Variants in GMPS observed in about 807,000 individuals in gnomAD.
GMPS encodes the protein GMP synthase [glutamine-hydrolyzing].
Under a neutral mutation model 77.9 loss-of-function variants are expected in GMPS, and 15 were observed. The observed-to-expected ratio is 0.19, with a 90% confidence interval of 0.13 to 0.30. The LOEUF (loss-of-function observed/expected upper bound fraction) is 0.30. GMPS is among the 10% of genes least tolerant of loss of function. GMPS has a pLI of 1.00. For synonymous variants in GMPS, 224 were observed against 275.9 expected (o/e 0.81, Z 1.86); for missense variants, 590 against 838.8 (o/e 0.70, Z 3.66).
At position 155,871,513 on chromosome 3, in the gene GMPS, C is replaced by T. The variant is rs546242573; in HGVS notation, c.27+616C>T. Among the ~76,000 whole-genome samples, 3 of 152,318 alleles carry T rather than the reference C, an allele frequency of 2.0e-5. No individual in the cohort carries two copies. The South Asian group carries it at 6.2e-4, about 32-fold the overall frequency. ...GAACCCCTCGGAGCTGCACTGTCTTCCCCCTCCCCCAACGCCCCTGCAGGC... is the reference window on the plus strand; with the variant it reads ...GAACCCCTCGGAGCTGCACTGTCTTTCCCCTCCCCCAACGCCCCTGCAGGC... On this transcript the variant is annotated intron_variant, in intron 1 of 15. Transcript: ENST00000496455.
Position 155,910,585 on chromosome 3 carries a change from A to AC in GMPS, c.527-107_527-106insC, listed in dbSNP as rs1407419604. On this transcript the variant is annotated intron_variant, in intron 5 of 15. Coordinates refer to ENST00000496455, the MANE Select transcript of GMPS (RefSeq NM_003875.3). ...CTCTGTCTCAAAAAAAAAAAAAAAAAAAAAATGAAACCATAGAGGCAGAGA... is the reference window on the plus strand; with the variant it reads ...CTCTGTCTCAAAAAAAAAAAAAAAAACAAAAATGAAACCATAGAGGCAGAGA... The AC allele has an allele frequency of 5.4e-6, 3 of 559,998 alleles. No homozygotes were observed. In the African/African-American group the frequency reaches 5.9e-5, roughly 11 times the overall value. 34.7% of individuals were successfully genotyped at this position (559,998 alleles called of 1,614,324 possible).
intron 12 of GMPS, among the ~76,000 whole-genome samples, chr3:155,930,959 A>G (rs540275222): frequency 3.9e-5 from 6 of 152,016 alleles, no homozygotes; most frequent in Non-Finnish European, 7.4e-5. Context: ...AGTAGCAGGG[A>G]CTACAGGTGC....
At position 155,939,022 on chromosome 3, in the gene GMPS, T is replaced by C. The variant is rs545019011; in HGVS notation, c.*1330T>C. 3 of 218,984 alleles carry C rather than the reference T, an allele frequency of 1.4e-5. No individual in the cohort carries two copies. Among genetic ancestry groups the C allele is most frequent in the Middle Eastern group, 1.4e-3 (1 of 702 alleles). The allele number at this position is 218,984 out of a possible 1,614,324, so 13.6% of individuals were successfully genotyped here. A position where few individuals can be genotyped will look rare whatever the true frequency, so the allele number is the denominator to read the frequency against. ...GAATGAAATTTTATTTGGGATTCAG[T>C]GTTAGACAAACAACAAAATGATGCG... On this transcript the variant is annotated 3_prime_UTR_variant, in exon 16 of 16. Transcript: ENST00000496455.
Position 155,942,437 on chromosome 3 carries a change from C to T in GMPS, c.*4745C>T. The stretch of plus-strand genomic sequence containing the variant: ...AGTCAGAATAAATTCTTATTGAGGG[C>T]CATACCTAGCCTGTCTTCATCAAAC... On this transcript the variant is annotated 3_prime_UTR_variant, in exon 16 of 16. Coordinates refer to ENST00000496455, the MANE Select transcript of GMPS (RefSeq NM_003875.3). 1 of 220,466 alleles carries T rather than the reference C, an allele frequency of 4.5e-6. No individual in the cohort carries two copies. Among genetic ancestry groups the T allele is most frequent in the East Asian group, 6.6e-5 (1 of 15,066 alleles). The allele number at this position is 220,466 out of a possible 1,614,324, so 13.7% of individuals were successfully genotyped here. A position where few individuals can be genotyped will look rare whatever the true frequency, so the allele number is the denominator to read the frequency against.
intron 3 of GMPS, among the ~76,000 whole-genome samples, chr3:155,903,574 G>A (rs908058304): frequency 2.6e-5 from 4 of 152,146 alleles, no homozygotes; most frequent in Non-Finnish European, 2.9e-5. Context: ...CTATTTTTAA[G>A]CAGATGAATT....
intron 3 of GMPS, among the ~76,000 whole-genome samples, chr3:155,901,280 A>G (rs183798243): frequency 5.3e-5 from 8 of 152,264 alleles, no homozygotes; most frequent in Admixed American, 3.9e-4. Flanking sequence ...AAGTGAAGTC[A>G]TACTACCTGT....
At chr3:155,906,943 G>A (rs536139098) in intron 5 of GMPS, among the ~76,000 whole-genome samples, 26 of 152,174 alleles carry the variant, frequency 1.7e-4, no homozygotes, top group African/African-American at 6.3e-4. Flanking sequence ...TTGCTTACCT[G>A]AATAATGTAA....
chr3:155,917,284 A>G (rs550250660), intron 9 of GMPS, among the ~76,000 whole-genome samples: 18 of 152,222 alleles, frequency 1.2e-4, no homozygotes, highest in African/African-American at 3.4e-4. Context: ...CATCTTAACT[A>G]TTTTTAAGTA....
At chr3:155,916,248 T>G in intron 9 of GMPS, 56 bp downstream of exon 9, 1 of 965,566 alleles carries the variant, frequency 1.0e-6, no homozygotes, top group Non-Finnish European at 1.6e-6. Context: ...TCTTCCATTC[T>G]TCCCTCCTCT....
intron 10 of GMPS, among the ~76,000 whole-genome samples, chr3:155,921,923 C>T (rs1448431356): frequency 2.0e-5 from 3 of 152,020 alleles, no homozygotes; most frequent in Non-Finnish European, 4.4e-5. Context: ...ATTAATATGC[C>T]AAAAAGTTAT....
intron 13 of GMPS, among the ~76,000 whole-genome samples, 164 bp downstream of exon 13, chr3:155,932,044 C>T (rs940898136): frequency 2.0e-5 from 3 of 152,010 alleles, no homozygotes; most frequent in Non-Finnish European, 4.4e-5. Context: ...ACATAGGTTG[C>T]AGTTAAGTAG....
chr3:155,936,338 G>A lies in GMPS; in HGVS notation c.1808G>A (p.Gly603Glu). The change falls in exon 15 of 16, where the codon GGG becomes GAG. Residue 603 changes from glycine (G) to glutamate (E), a missense_variant and splice_region_variant. Physicochemically the swap from Gly to Glu is moderately conservative, Grantham distance 98. Transcript: ENST00000496455. ...TGGTTCTACATATACCTTTCTCTAG[G>A]GTATGCTGGGAAAATCAGCCAGATG... ...FEAHNILRES[G>E]YAGKISQMPV... is the part of the protein sequence containing the mutation. The A allele has an allele frequency of 1.2e-6, 2 of 1,600,450 alleles. No individual in the cohort carries two copies. The highest frequency in any genetic ancestry group is 8.6e-7 in the Non-Finnish European group (1 of 1,169,406).
chr3:155,926,491 C>A (rs1755457646), intron 12 of GMPS, among the ~76,000 whole-genome samples: 1 of 151,930 alleles, frequency 6.6e-6, no homozygotes. Context: ...TTTATAATGT[C>A]CTCTTACAGT....
In GMPS at chr3:155,876,492, G is replaced by T. The variant is rs1577496556; in HGVS notation, c.27+5595G>T. On this transcript the variant is annotated intron_variant, in intron 1 of 15. Transcript: ENST00000496455. ...ACTAGACAAAGCCATAGCCGAAGGT[G>T]GTATTAGATATAAGGTGAAAGTTTA... 3.3e-5 allele frequency among the ~76,000 whole-genome samples: 5 copies of T among 152,310 alleles called. No homozygotes were observed. In the South Asian group the frequency reaches 1.0e-3, roughly 32 times the overall value.
chr3:155,928,627 C>T (rs1266921631), intron 12 of GMPS, among the ~76,000 whole-genome samples: 1 of 150,268 alleles, frequency 6.7e-6, no homozygotes, highest in African/African-American at 2.5e-5. Context: ...TGCTGGTGCA[C>T]CGCACCCACT....
At chr3:155,892,333 GTTTC>G (rs1328643650) in intron 1 of GMPS, among the ~76,000 whole-genome samples, 9 of 151,928 alleles carry the variant, frequency 5.9e-5, no homozygotes, top group Non-Finnish European at 5.9e-5. Flanking sequence ...CTTTTAAAGC[GTTTC>G]TTTATGTAAA....
intron 1 of GMPS, among the ~76,000 whole-genome samples, chr3:155,880,372 G>A (rs1223277869): frequency 6.6e-6 from 1 of 152,162 alleles, no homozygotes; most frequent in Non-Finnish European, 1.5e-5. Context: ...TGCCCCTGAA[G>A]GCTGAGGGTA....
chr3:155,931,049 CT>C (rs957996952), intron 12 of GMPS, among the ~76,000 whole-genome samples: 3 of 152,064 alleles, frequency 2.0e-5, no homozygotes, highest in Non-Finnish European at 4.4e-5. Context: ...TGGTCTCAAA[CT>C]TCTGGGCTCA....
chr3:155,910,750 T>TA lies in GMPS; in HGVS notation c.586dup (p.Thr196AsnfsTer14). On this transcript the variant is annotated frameshift_variant, in exon 6 of 16. Coordinates refer to ENST00000496455, the MANE Select transcript of GMPS (RefSeq NM_003875.3). LOFTEE classifies it high-confidence loss of function. ...CACAGTTCCACCCTGAAGTTGGCCT[T>TA]ACAGAAAATGGAAAAGTAATACTGA... The TA allele has an allele frequency of 6.2e-7, 1 of 1,611,016 alleles. No individual in the cohort carries two copies. The highest frequency in any genetic ancestry group is 8.5e-7 in the Non-Finnish European group (1 of 1,178,072).
Sources: gnomAD v4.1 joint callset for allele counts (sites outside exome capture counted in the v4.1 genomes callset) on GRCh38, gnomAD v4.1.1 for gene constraint, MANE v1.5 for transcripts, NCBI Gene and HGNC (gene_info 2026-07-23, HGNC 2026-07-21) for gene names.